BST1: variants seen among roughly 807,000 people sequenced by gnomAD.
BST1 encodes ADP-ribosyl cyclase/cyclic ADP-ribose hydrolase 2.
A neutral mutation model predicts 40.6 loss-of-function variants in BST1; 49 were observed. That is an observed-to-expected ratio of 1.21 (90% CI 0.96 to 1.53). BST1 has a LOEUF of 1.53. Ranked by LOEUF, BST1 falls within the 40% of genes most tolerant of loss-of-function variation. The probability of loss-of-function intolerance (pLI) is 0.00; values close to 1 mark genes in which losing one functional copy is unlikely to be tolerated. For missense variants in BST1, 423 were observed against 395.9 expected (o/e 1.07, Z -0.58); for synonymous variants, 157 against 159.3 (o/e 0.99, Z 0.11).
downstream of BST1, among the ~76,000 whole-genome samples, chr4:15,737,350 A>G (rs4698414): frequency 0.84 from 128,419 of 152,136 alleles, 54,405 homozygotes; most frequent in East Asian, 0.99. Flanking sequence ...TCGACCCCAT[A>G]GGATCAATTC....
chr4:15,746,783 G>A, the BST1 span, among the ~76,000 whole-genome samples: 1 of 152,138 alleles, frequency 6.6e-6, no homozygotes, highest in Non-Finnish European at 1.5e-5. Context: ...TACTCCACAG[G>A]TCAAAAAACA....
chr4:15,718,860 C>A, intron 6 of BST1, 47 bp from the exon 7 acceptor site: 1 of 1,521,848 alleles, frequency 6.6e-7, no homozygotes, highest in Non-Finnish European at 9.0e-7. Context: ...ACTTCCTCTT[C>A]CTCCTCTTAT....
At chr4:15,755,017 G>A in the BST1 span, among the ~76,000 whole-genome samples, 2 of 152,194 alleles carry the variant, frequency 1.3e-5, no homozygotes, top group Non-Finnish European at 2.9e-5. Flanking sequence ...AATACATACA[G>A]AGATCCCTCA....
chr4:15,743,534 G>C, the BST1 span: 2 of 355,396 alleles, frequency 5.6e-6, no homozygotes, highest in Non-Finnish European at 1.1e-5. Flanking sequence ...AGAATGTTAA[G>C]GAAGCTGAGG....
downstream of BST1, chr4:15,736,239 C>A (rs573913051): frequency 1.7e-5 from 13 of 744,548 alleles, no homozygotes; most frequent in Middle Eastern, 8.8e-4. Context: ...CAATGTCCTA[C>A]GCTAGGGTCC....
chr4:15,730,279 A>AGTTGGTTT lies in BST1; in HGVS notation c.852-1460_852-1453dup, dbSNP rs1005814549. 2.8e-4 allele frequency among the ~76,000 whole-genome samples: 42 copies of AGTTGGTTT among 152,246 alleles called. 2 individuals carry two copies. The highest frequency in any genetic ancestry group is 2.6e-3 in the Admixed American group (40 of 15,290). On this transcript the variant is annotated intron_variant, in intron 8 of 8. Transcript: ENST00000265016. The stretch of plus-strand genomic sequence containing the variant: ...TTCATAATTTTAAAATTCATCTTTT[A>AGTTGGTTT]GTTGGTTTAAAAGAATTCAGTAATT...
chr4:15,768,509 C>G, the BST1 span, among the ~76,000 whole-genome samples: 1 of 110,010 alleles, frequency 9.1e-6, no homozygotes, highest in Non-Finnish European at 1.7e-5. Context: ...TTTTTTGAGA[C>G]GGAGTCTCAC....
intron 7 of BST1, among the ~76,000 whole-genome samples, chr4:15,719,463 A>G (rs917258269): frequency 1.3e-5 from 2 of 152,032 alleles, no homozygotes; most frequent in Non-Finnish European, 2.9e-5. Flanking sequence ...GACACTTTAT[A>G]TATTTATAAT....
the BST1 span, among the ~76,000 whole-genome samples, chr4:15,753,595 A>T: frequency 1.1e-4 from 17 of 152,308 alleles, no homozygotes; most frequent in East Asian, 3.3e-3. Context: ...CAGTATTGGG[A>T]TAGGACCCAG....
At chr4:15,746,242 T>C in the BST1 span, among the ~76,000 whole-genome samples, 3 of 152,198 alleles carry the variant, frequency 2.0e-5, no homozygotes, top group Non-Finnish European at 2.9e-5. Flanking sequence ...AGGGGTTAGA[T>C]TGATGAATTA....
Position 15,726,404 on chromosome 4 carries a change from C to T in BST1, c.851+3470C>T, listed in dbSNP as rs148914001. On this transcript the variant is annotated intron_variant, in intron 8 of 8. Transcript: ENST00000265016. ...TGGAAAGGCATAGATTTAAGAAGAACGATGTTCAAAGGTGCTGGGCAGCCA... is the reference window on the plus strand; with the variant it reads ...TGGAAAGGCATAGATTTAAGAAGAATGATGTTCAAAGGTGCTGGGCAGCCA... Among the ~76,000 whole-genome samples the T allele has an allele frequency of 2.2e-3, 338 of 152,244 alleles. 3 individuals are homozygous for T. The highest frequency in any genetic ancestry group is 0.014 in the South Asian group (66 of 4,830).
Position 15,705,593 on chromosome 4 carries a change from C to CTA in BST1, c.269_270dup (p.Asp91MetfsTer40), listed in dbSNP as rs778251235. The CTA allele has an allele frequency of 6.2e-7, 1 of 1,613,890 alleles. No individual in the cohort carries two copies. Among genetic ancestry groups the CTA allele is most frequent in the African/African-American group, 1.3e-5 (1 of 74,900 alleles). The stretch of plus-strand genomic sequence containing the variant: ...ATCCCTGCTCCGTGCTGCCCTCAGA[C>CTA]TATGACCTTTTTATTAACTTGTCCA... On this transcript the variant is annotated frameshift_variant, in exon 2 of 9. Coordinates refer to ENST00000265016, the MANE Select transcript of BST1 (RefSeq NM_004334.3). LOFTEE classifies it high-confidence loss of function.
intron 3 of BST1, among the ~76,000 whole-genome samples, chr4:15,710,015 CG>C (rs1202526561): frequency 5.3e-5 from 8 of 151,964 alleles, no homozygotes; most frequent in Non-Finnish European, 8.8e-5. Flanking sequence ...CTCTGCCACC[CG>C]GGCTGTAATG....
chr4:15,705,862 A>G (rs1372785923), intron 2 of BST1, among the ~76,000 whole-genome samples: 1 of 152,250 alleles, frequency 6.6e-6, no homozygotes, highest in Non-Finnish European at 1.5e-5. Flanking sequence ...GAGACTGGGT[A>G]ATTTACAAAG....
chr4:15,752,866 G>A, the BST1 span, among the ~76,000 whole-genome samples: 2 of 152,172 alleles, frequency 1.3e-5, no homozygotes, highest in African/African-American at 4.8e-5. Context: ...AGGCCCACTG[G>A]AGAGAGGCTT....
intron 6 of BST1, among the ~76,000 whole-genome samples, chr4:15,716,369 G>T (rs537109264): frequency 4.2e-4 from 64 of 152,328 alleles, no homozygotes; most frequent in African/African-American, 1.5e-3. Context: ...AACTGATTTG[G>T]TTTAAAGACA....
At chr4:15,747,953 A>C in the BST1 span, among the ~76,000 whole-genome samples, 1 of 152,208 alleles carries the variant, frequency 6.6e-6, no homozygotes, top group African/African-American at 2.4e-5. Context: ...TTGGGATTAC[A>C]GGCATGAGCC....
intron 8 of BST1, among the ~76,000 whole-genome samples, chr4:15,728,241 A>T (rs1721209656): frequency 6.6e-6 from 1 of 152,118 alleles, no homozygotes; most frequent in South Asian, 2.1e-4. Context: ...AAGGGCTTTT[A>T]ATCTGCAAAG....
intron 7 of BST1, among the ~76,000 whole-genome samples, chr4:15,720,186 TA>T (rs1375286746): frequency 6.6e-6 from 1 of 152,212 alleles, no homozygotes; most frequent in Non-Finnish European, 1.5e-5. Flanking sequence ...TAATTAGTTT[TA>T]TCTGTCTTTA....
Sources: allele counts gnomAD v4.1 joint callset (sites outside exome capture counted in the v4.1 genomes callset), GRCh38; gene constraint gnomAD v4.1.1; transcripts MANE v1.5; gene names NCBI Gene and HGNC (gene_info 2026-07-23, HGNC 2026-07-21).